The following TMEM117 variants were observed in gnomAD, a reference collection of about 807,000 sequenced individuals.
TMEM117 encodes transmembrane protein 117.
In TMEM117, 27 loss-of-function variants were observed where a neutral mutation model predicts 52.4. That is an observed-to-expected ratio of 0.51 (90% confidence interval 0.38 to 0.71). The LOEUF is 0.71. TMEM117 is among the 30% of genes least tolerant of loss of function. The pLI, the probability that TMEM117 is intolerant of heterozygous loss-of-function variation, is 0.00. For missense variants in TMEM117, 556 were observed against 630.5 expected (o/e 0.88, Z 1.26); for synonymous variants, 215 against 206.3 (o/e 1.04, Z -0.36).
downstream of TMEM117, among the ~76,000 whole-genome samples, chr12:44,394,221 T>C (rs1952172233): frequency 6.6e-6 from 1 of 152,210 alleles, no homozygotes; most frequent in South Asian, 2.1e-4. Flanking sequence ...TGAGCCCTAT[T>C]CTCATCCCTG....
At chr12:43,971,297 T>G (rs746768391) in intron 3 of TMEM117, among the ~76,000 whole-genome samples, 24 of 152,184 alleles carry the variant, frequency 1.6e-4, no homozygotes, top group Admixed American at 5.2e-4. Context: ...AACATTTATG[T>G]CCTGGCTTCT....
intron 5 of TMEM117, among the ~76,000 whole-genome samples, chr12:44,251,831 C>G (rs1273597457): frequency 6.6e-6 from 1 of 152,138 alleles, no homozygotes; most frequent in African/African-American, 2.4e-5. Context: ...CAAAAACATT[C>G]AGCATTAGCT....
intron 2 of TMEM117, among the ~76,000 whole-genome samples, chr12:43,853,374 C>T (rs936867626): frequency 2.0e-5 from 3 of 152,208 alleles, no homozygotes; most frequent in Admixed American, 6.5e-5. Context: ...TTCCCAGGTT[C>T]AAGCTCTTCT....
At chr12:44,192,677 A>G (rs542977144) in intron 4 of TMEM117, among the ~76,000 whole-genome samples, 28 of 152,344 alleles carry the variant, frequency 1.8e-4, no homozygotes, top group African/African-American at 6.0e-4. Flanking sequence ...TACTTCATTA[A>G]ATATTGTTAA....
intron 3 of TMEM117, among the ~76,000 whole-genome samples, chr12:44,091,302 G>A (rs765247815): frequency 9.2e-5 from 14 of 152,122 alleles, no homozygotes; most frequent in Non-Finnish European, 1.9e-4. Context: ...AATTCTGGGA[G>A]CTACAATTCA....
chr12:44,310,746 A>T (rs1404383032), intron 6 of TMEM117, among the ~76,000 whole-genome samples: 1 of 152,170 alleles, frequency 6.6e-6, no homozygotes, highest in Non-Finnish European at 1.5e-5. Context: ...GGTGCCTGGG[A>T]TATATGTTCC....
chr12:43,935,838 A>C (rs998240288), intron 2 of TMEM117, among the ~76,000 whole-genome samples: 4 of 152,194 alleles, frequency 2.6e-5, no homozygotes, highest in African/African-American at 4.8e-5. Flanking sequence ...TCTGACCTGC[A>C]TTCTAGGCTT....
intron 3 of TMEM117, among the ~76,000 whole-genome samples, chr12:43,989,000 A>G (rs1321085833): frequency 1.3e-5 from 2 of 152,084 alleles, no homozygotes; most frequent in African/African-American, 2.4e-5. Context: ...AATGTTTTCA[A>G]AAGGATTCAA....
intron 2 of TMEM117, among the ~76,000 whole-genome samples, chr12:43,871,967 C>T (rs1943713648): frequency 6.6e-6 from 1 of 152,178 alleles, no homozygotes; most frequent in African/African-American, 2.4e-5. Flanking sequence ...AATCATAGCT[C>T]ACTGCAGCTT....
At chr12:43,841,087 G>A (rs2137346775) in intron 1 of TMEM117, among the ~76,000 whole-genome samples, 1 of 152,284 alleles carries the variant, frequency 6.6e-6, no homozygotes, top group Admixed American at 6.5e-5. Context: ...TATTATGTAA[G>A]GGTTTGAAAT....
At chr12:44,224,558 C>T (rs1949835633) in intron 5 of TMEM117, among the ~76,000 whole-genome samples, 2 of 151,872 alleles carry the variant, frequency 1.3e-5, no homozygotes, top group African/African-American at 4.8e-5. Flanking sequence ...TCCTCCTCCT[C>T]CTTCATGTTA....
At chr12:44,179,939 G>A (rs565120761) in intron 4 of TMEM117, among the ~76,000 whole-genome samples, 3 of 152,130 alleles carry the variant, frequency 2.0e-5, no homozygotes, top group Non-Finnish European at 2.9e-5. Context: ...CAGTGGTGAG[G>A]CTCTTTTTAT....
At position 44,223,018 on chromosome 12, in the gene TMEM117, C is replaced by CT. The variant is rs58604256; in HGVS notation, c.608+11646dup. Among the ~76,000 whole-genome samples, 1,304 of 139,014 alleles carry CT rather than the reference C, an allele frequency of 9.4e-3. 6 individuals carry two copies. The highest frequency in any genetic ancestry group is 0.015 in the Non-Finnish European group (923 of 63,202). 91.2% of individuals were successfully genotyped at this position (139,014 alleles called of 152,430 possible). On this transcript the variant is annotated intron_variant, in intron 5 of 7. Coordinates refer to ENST00000266534, the MANE Select transcript of TMEM117 (RefSeq NM_032256.3). ...TAAACCAAGAATTCAAAAACTTTTC[C>CT]TTTTTTTTTTTTTTTAGTGCTAGTC...
chr12:43,967,798 A>G (rs1945510587), intron 3 of TMEM117, among the ~76,000 whole-genome samples: 1 of 152,222 alleles, frequency 6.6e-6, no homozygotes, highest in Non-Finnish European at 1.5e-5. Context: ...ATTTGGTGAT[A>G]ATTTATTCCC....
At chr12:44,262,247 C>CA (rs1480154795) in intron 5 of TMEM117, among the ~76,000 whole-genome samples, 1 of 152,140 alleles carries the variant, frequency 6.6e-6, no homozygotes, top group African/African-American at 2.4e-5. Context: ...TGTGTATGTA[C>CA]ATGTGTGAAT....
intron 3 of TMEM117, among the ~76,000 whole-genome samples, chr12:44,034,427 A>T (rs1199861212): frequency 6.6e-6 from 1 of 152,222 alleles, no homozygotes; most frequent in East Asian, 1.9e-4. Flanking sequence ...AATAATTGAT[A>T]TTAACAGTAT....
intron 3 of TMEM117, among the ~76,000 whole-genome samples, chr12:43,990,880 T>C (rs1945927299): frequency 6.6e-6 from 1 of 152,252 alleles, no homozygotes; most frequent in Non-Finnish European, 1.5e-5. Flanking sequence ...CCTAATTCCA[T>C]TCTAAAATGC....
At chr12:44,015,411 G>T (rs772864531) in intron 3 of TMEM117, among the ~76,000 whole-genome samples, 1 of 151,858 alleles carries the variant, frequency 6.6e-6, no homozygotes, top group Admixed American at 6.6e-5. Flanking sequence ...GGTATTTTTT[G>T]GACTTAAAAT....
At chr12:44,042,351 A>C (rs1343780855) in intron 3 of TMEM117, among the ~76,000 whole-genome samples, 1 of 143,670 alleles carries the variant, frequency 7.0e-6, no homozygotes, top group African/African-American at 2.8e-5. Flanking sequence ...TTAAAATCTT[A>C]ATTTTTTTTT....
Sources: gnomAD v4.1 joint callset for allele counts (sites outside exome capture counted in the v4.1 genomes callset) on GRCh38, gnomAD v4.1.1 for gene constraint, MANE v1.5 for transcripts, NCBI Gene and HGNC (gene_info 2026-07-23, HGNC 2026-07-21) for gene names.